The following ERAP1 variants were observed in gnomAD, a reference collection of about 807,000 sequenced individuals.
ERAP1 encodes endoplasmic reticulum aminopeptidase 1, also known as adipocyte-derived leucine aminopeptidase.
ERAP1 carries 86 observed loss-of-function variants against 103.7 expected under a neutral mutation model. That is an observed-to-expected ratio of 0.83 (90% confidence interval 0.70 to 0.99). The LOEUF (loss-of-function observed/expected upper bound fraction) is 0.99, where lower values mean the gene tolerates loss of function less well. Ranked by LOEUF, ERAP1 falls within the 50% of genes least tolerant of loss-of-function variation. The pLI, the probability that ERAP1 is intolerant of heterozygous loss-of-function variation, is 0.00. For synonymous variants in ERAP1, 398 were observed against 402.4 expected (o/e 0.99, Z 0.13); for missense variants, 1,009 against 1,128.4 (o/e 0.89, Z 1.52).
intron 3 of ERAP1, among the ~76,000 whole-genome samples, chr5:96,797,872 G>A (rs1422287668): frequency 6.6e-6 from 1 of 152,180 alleles, no homozygotes; most frequent in Non-Finnish European, 1.5e-5. Context: ...AAGCAAAACT[G>A]AAATTGTGAG....
chr5:96,909,912 T>TCG, the ERAP1 span: 2 of 715,856 alleles, frequency 2.8e-6, no homozygotes, highest in Non-Finnish European at 4.6e-6. Context: ...TGCTCTCACA[T>TCG]TGTAAGTGCT....
At chr5:96,899,592 A>G in the ERAP1 span, among the ~76,000 whole-genome samples, 1 of 152,174 alleles carries the variant, frequency 6.6e-6, no homozygotes, top group Non-Finnish European at 1.5e-5. Context: ...ACTTTTCTTA[A>G]TTCTTATTTT....
intron 19 of ERAP1, chr5:96,763,312 T>C (rs569744019): frequency 5.0e-5 from 39 of 777,662 alleles, no homozygotes; most frequent in Admixed American, 4.3e-4. Context: ...TCCTGGATTA[T>C]AATAAAGCAC....
the ERAP1 span, among the ~76,000 whole-genome samples, chr5:96,922,560 AG>A: frequency 6.6e-6 from 1 of 152,248 alleles, no homozygotes; most frequent in Admixed American, 6.5e-5. Flanking sequence ...AGGGCTTTCT[AG>A]CTGGCTGGGG....
chr5:96,914,858 C>A, the ERAP1 span, among the ~76,000 whole-genome samples: 1 of 151,900 alleles, frequency 6.6e-6, no homozygotes, highest in Non-Finnish European at 1.5e-5. Flanking sequence ...ATTAGAGTGT[C>A]TATTATTTCT....
intron 3 of ERAP1, among the ~76,000 whole-genome samples, chr5:96,800,563 G>C (rs1424480402): frequency 6.6e-6 from 1 of 152,166 alleles, no homozygotes; most frequent in Non-Finnish European, 1.5e-5. Context: ...AAAGTGCTTT[G>C]TGAAGGGCAC....
the ERAP1 span, among the ~76,000 whole-genome samples, chr5:96,819,661 G>A: frequency 2.6e-5 from 4 of 151,754 alleles, no homozygotes; most frequent in Non-Finnish European, 4.4e-5. Flanking sequence ...GTTTTTTTAC[G>A]TACTAAGGAC....
the ERAP1 span, chr5:96,883,733 A>T: frequency 6.5e-7 from 1 of 1,544,670 alleles, no homozygotes; most frequent in South Asian, 1.2e-5. Context: ...GAATGTACAG[A>T]TTCATTTCTC....
exon 20 of ERAP1, chr5:96,760,820 T>G (rs1767672665): frequency 6.6e-6 from 1 of 151,938 alleles, no homozygotes. Flanking sequence ...TCATTTTATG[T>G]GTTAATTTTT....
intron 4 of ERAP1, among the ~76,000 whole-genome samples, chr5:96,796,854 A>T (rs1001854290): frequency 6.6e-6 from 1 of 152,184 alleles, no homozygotes; most frequent in Non-Finnish European, 1.5e-5. Flanking sequence ...GCTGGAGTGC[A>T]CAATCATACC....
At chr5:96,857,764 C>A in the ERAP1 span, among the ~76,000 whole-genome samples, 1 of 152,218 alleles carries the variant, frequency 6.6e-6, no homozygotes, top group Admixed American at 6.5e-5. Context: ...GATCACTTCT[C>A]ATTAACTTTC....
At chr5:96,880,132 A>T in the ERAP1 span, 1 of 1,614,152 alleles carries the variant, frequency 6.2e-7, no homozygotes, top group Non-Finnish European at 8.5e-7. Flanking sequence ...AACAAATTGC[A>T]CTGCTGGTTC....
At chr5:96,832,308 T>C in the ERAP1 span, among the ~76,000 whole-genome samples, 3 of 152,230 alleles carry the variant, frequency 2.0e-5, no homozygotes, top group Non-Finnish European at 2.9e-5. Context: ...GTTACATTTG[T>C]TCCAAACCTG....
chr5:96,880,118 C>T, the ERAP1 span: 32 of 1,613,988 alleles, frequency 2.0e-5, no homozygotes, highest in Non-Finnish European at 2.7e-5. Context: ...TTACCCTGCT[C>T]ATGAACAAAT....
At chr5:96,909,924 T>C in the ERAP1 span, 1 of 643,614 alleles carries the variant, frequency 1.6e-6, no homozygotes. Context: ...GTAAGTGCTA[T>C]GTATGGAGAC....
At chr5:96,798,482 G>A (rs893965486) in intron 3 of ERAP1, among the ~76,000 whole-genome samples, 4 of 152,062 alleles carry the variant, frequency 2.6e-5, no homozygotes, top group Non-Finnish European at 4.4e-5. Flanking sequence ...TAAAAAGCAC[G>A]GAGATGGAAA....
chr5:96,771,157 C>T (rs1179792672), downstream of ERAP1, among the ~76,000 whole-genome samples: 4 of 152,158 alleles, frequency 2.6e-5, no homozygotes, highest in Non-Finnish European at 5.9e-5. Flanking sequence ...ATATAGGAAA[C>T]AGCATTGATA....
chr5:96,824,944 G>A, the ERAP1 span, among the ~76,000 whole-genome samples: 1 of 152,298 alleles, frequency 6.6e-6, no homozygotes, highest in Middle Eastern at 3.4e-3. Context: ...GGAGGCTGAG[G>A]TGGGACGATC....
chr5:96,906,979 G>A, the ERAP1 span, among the ~76,000 whole-genome samples: 1 of 152,188 alleles, frequency 6.6e-6, no homozygotes, highest in African/African-American at 2.4e-5. Context: ...AGTGAGCCAA[G>A]ATTGTGCCAT....
Sources: allele counts gnomAD v4.1 joint callset (sites outside exome capture counted in the v4.1 genomes callset), GRCh38; gene constraint gnomAD v4.1.1; transcripts MANE v1.5; gene names NCBI Gene and HGNC (gene_info 2026-07-23, HGNC 2026-07-21).